Variants in ME3 observed in about 807,000 individuals in gnomAD.
ME3 encodes the protein malic enzyme 3.
In ME3, 48 loss-of-function variants were observed where a neutral mutation model predicts 68.9. The ratio of observed to expected loss-of-function variants is 0.70; its 90% CI spans 0.55 to 0.89. ME3 has a LOEUF of 0.89. Ranked by LOEUF, ME3 falls within the 40% of genes least tolerant of loss-of-function variation. The pLI is 0.00. For synonymous variants in ME3, 320 were observed against 318.8 expected (o/e 1.00, Z -0.04); for missense variants, 675 against 797.4 (o/e 0.85, Z 1.85).
intron 2 of ME3, among the ~76,000 whole-genome samples, chr11:86,606,204 T>A (rs1961626656): frequency 6.6e-6 from 1 of 152,170 alleles, no homozygotes. Flanking sequence ...GACAGCAATT[T>A]TGTAAGTTGG....
intron 5 of ME3, 23 bp downstream of exon 5, chr11:86,508,769 T>C (rs1346970653): frequency 6.3e-7 from 1 of 1,582,710 alleles, no homozygotes; most frequent in African/African-American, 1.3e-5. Context: ...AATGATTAAA[T>C]AGCAATGAAA....
intron 2 of ME3, among the ~76,000 whole-genome samples, chr11:86,640,606 T>C (rs1446212994): frequency 6.6e-6 from 1 of 152,228 alleles, no homozygotes; most frequent in East Asian, 1.9e-4. Context: ...AAGATGCACC[T>C]AAACAATAAT....
Position 86,610,388 on chromosome 11 carries a change from A to G in ME3, c.184-50565T>C, listed in dbSNP as rs191306517. Reference sequence around the variant, plus strand: ...CCTTGAGACCTCAAAGGAAAGAACCATTACTCCTGATATTTCATGGAGAAA... The same window carrying G: ...CCTTGAGACCTCAAAGGAAAGAACCGTTACTCCTGATATTTCATGGAGAAA... On this transcript the variant is annotated intron_variant, in intron 2 of 14. Coordinates refer to ENST00000543262, the Ensembl canonical transcript of ME3. Among the ~76,000 whole-genome samples the G allele has an allele frequency of 2.0e-3, 312 of 152,290 alleles. 5 individuals carry two copies. Among genetic ancestry groups the G allele is most frequent in the Non-Finnish European group, 3.2e-3 (219 of 68,036 alleles).
chr11:86,462,749 T>C, intron 8 of ME3: 1 of 490,836 alleles, frequency 2.0e-6, no homozygotes, highest in South Asian at 1.5e-5. Flanking sequence ...AGGCAGACAA[T>C]GCAATACAGG....
intron 2 of ME3, among the ~76,000 whole-genome samples, chr11:86,653,383 A>G (rs1945610670): frequency 6.6e-6 from 1 of 152,256 alleles, no homozygotes; most frequent in African/African-American, 2.4e-5. Context: ...ACAAAAAATT[A>G]TAACAAACTG....
chr11:86,547,239 CA>C lies in ME3; in HGVS notation c.467+9313del, dbSNP rs1169843852. Reference sequence around the variant, plus strand: ...TGGGCGACAGAGCAAGACTCCATCTCAAAAAAAAAAAAAAAAAAAAAGAAAA... The same window carrying C: ...TGGGCGACAGAGCAAGACTCCATCTCAAAAAAAAAAAAAAAAAAAAGAAAA... On this transcript the variant is annotated intron_variant, in intron 4 of 14. Coordinates refer to ENST00000543262, the Ensembl canonical transcript of ME3. Among the ~76,000 whole-genome samples, 276 of 45,980 alleles carry C rather than the reference CA, an allele frequency of 6.0e-3. 1 individual carries two copies. Among genetic ancestry groups the C allele is most frequent in the East Asian group, 0.043 (82 of 1,888 alleles). The allele number at this position is 45,980 out of a possible 152,430, so 30.2% of individuals were successfully genotyped here.
At chr11:86,607,452 G>GTTT (rs146485846) in intron 2 of ME3, among the ~76,000 whole-genome samples, 51 of 133,536 alleles carry the variant, frequency 3.8e-4, no homozygotes, top group Middle Eastern at 3.6e-3. Flanking sequence ...GAGAGGCATA[G>GTTT]TTTTTTTTTT....
At chr11:86,467,300 T>C (rs999338359) in intron 7 of ME3, among the ~76,000 whole-genome samples, 2 of 152,196 alleles carry the variant, frequency 1.3e-5, no homozygotes, top group Non-Finnish European at 2.9e-5. Flanking sequence ...GCCACAATTC[T>C]TCTTCACAGT....
chr11:86,477,250 C>T (rs780790352), intron 7 of ME3, among the ~76,000 whole-genome samples: 2 of 152,148 alleles, frequency 1.3e-5, no homozygotes, highest in Non-Finnish European at 2.9e-5. Context: ...CTCTAGAATT[C>T]GTGCTTTTAA....
Position 86,484,412 on chromosome 11 carries a change from T to C in ME3, c.809+2925A>G, listed in dbSNP as rs371570272. Among the ~76,000 whole-genome samples the C allele has an allele frequency of 9.9e-5, 15 of 152,184 alleles. No homozygotes were observed. The East Asian group carries it at 2.3e-3, about 23-fold the overall frequency. On this transcript the variant is annotated intron_variant, in intron 7 of 14. Coordinates refer to ENST00000543262, the Ensembl canonical transcript of ME3. ...CCCACCTACAGTATCCACAGAAACA[T>C]CTGCTATAGCTTATTAGAAAGTCAA...
intron 4 of ME3, among the ~76,000 whole-genome samples, chr11:86,526,802 G>A (rs1003430592): frequency 5.3e-5 from 8 of 152,152 alleles, no homozygotes; most frequent in African/African-American, 1.9e-4. Flanking sequence ...TGCAGCTGAG[G>A]GTCCTAACTG....
At chr11:86,446,759 T>C in intron 12 of ME3, 2 of 593,286 alleles carry the variant, frequency 3.4e-6, no homozygotes, top group Non-Finnish European at 5.9e-6. Context: ...ACCCAGGACA[T>C]GACAGGATGT....
intron 4 of ME3, among the ~76,000 whole-genome samples, chr11:86,526,626 C>A (rs113721218): frequency 6.6e-6 from 1 of 152,182 alleles, no homozygotes; most frequent in East Asian, 1.9e-4. Flanking sequence ...CCAGTAGGGG[C>A]AGACTGACAC....
chr11:86,520,036 CACTG>C (rs368193703), intron 4 of ME3, among the ~76,000 whole-genome samples: 432 of 152,258 alleles, frequency 2.8e-3, no homozygotes, highest in African/African-American at 9.4e-3. Context: ...TATTTGAACC[CACTG>C]AACAACCATA....
chr11:86,448,364 G>T, intron 10 of ME3, 109 bp from the exon 11 acceptor site: 1 of 785,658 alleles, frequency 1.3e-6, no homozygotes, highest in Non-Finnish European at 2.1e-6. Flanking sequence ...CCATGCTTTG[G>T]TTTGAGCTGT....
At chr11:86,605,169 T>C (rs1961443576) in intron 2 of ME3, among the ~76,000 whole-genome samples, 1 of 152,390 alleles carries the variant, frequency 6.6e-6, no homozygotes, top group African/African-American at 2.4e-5. Context: ...TGTTGTATCA[T>C]GTATCAGTAC....
At chr11:86,634,860 GTTAAT>G (rs1389673185) in intron 2 of ME3, among the ~76,000 whole-genome samples, 1 of 152,224 alleles carries the variant, frequency 6.6e-6, no homozygotes, top group Non-Finnish European at 1.5e-5. Flanking sequence ...AACCATAGAA[GTTAAT>G]TTAAACAGGA....
intron 2 of ME3, among the ~76,000 whole-genome samples, chr11:86,656,697 A>G (rs1264440563): frequency 6.6e-6 from 1 of 152,142 alleles, no homozygotes; most frequent in Non-Finnish European, 1.5e-5. Context: ...ATGTATACAT[A>G]TGTAACAAAC....
At chr11:86,656,359 A>T (rs1463018028) in intron 2 of ME3, among the ~76,000 whole-genome samples, 1 of 151,772 alleles carries the variant, frequency 6.6e-6, no homozygotes, top group African/African-American at 2.4e-5. Flanking sequence ...CAAATGTCCA[A>T]CAATGATAGA....
Sources: gnomAD v4.1 joint callset for allele counts (sites outside exome capture counted in the v4.1 genomes callset) on GRCh38, gnomAD v4.1.1 for gene constraint, MANE v1.5 for transcripts, NCBI Gene and HGNC (gene_info 2026-07-23, HGNC 2026-07-21) for gene names.